The following PCBP3 variants were observed in gnomAD, a reference collection of about 807,000 sequenced individuals.
PCBP3 encodes the protein poly(rC) binding protein 3, also known as poly(rC)-binding protein 3.
In PCBP3, 25 loss-of-function variants were observed where a neutral mutation model predicts 52.7. The observed-to-expected ratio is 0.47, with a 90% confidence interval of 0.35 to 0.66. The LOEUF is 0.66. PCBP3 is among the 30% of genes least tolerant of loss of function. The probability of loss-of-function intolerance (pLI) is 0.01; values close to 1 mark genes in which losing one functional copy is unlikely to be tolerated. For synonymous variants in PCBP3, 162 were observed against 183.0 expected, an observed-to-expected ratio of 0.89 and a Z score of 0.93; for missense variants, 391 against 490.3, an observed-to-expected ratio of 0.80 and a Z score of 1.91.
rs569023046 is a variant in PCBP3, at chr21:45,805,806, C to T, written c.-125-44155C>T. Among the ~76,000 whole-genome samples the T allele has an allele frequency of 2.4e-4, 37 of 152,202 alleles. No homozygotes were observed. The highest frequency in any genetic ancestry group is 8.9e-4 in the African/African-American group (37 of 41,508). On this transcript the variant is annotated intron_variant, in intron 4 of 17. Transcript: ENST00000681687. The surrounding 1 kb of genome is among the most constrained non-coding windows in gnomAD (Gnocchi z 4.6). ...GGAGTGGTCCTGAGGAAAGCGCGCT[C>T]CTGTCTTTCTGTGGCAGCGAAGGTG... is the stretch of plus-strand genomic sequence containing the variant.
At chr21:45,804,679 G>A (rs542962645) in intron 4 of PCBP3, among the ~76,000 whole-genome samples, 13 of 152,174 alleles carry the variant, frequency 8.5e-5, no homozygotes, top group Admixed American at 2.6e-4. Flanking sequence ...CCAGGCATTC[G>A]GCTCCTGAAA....
intron 4 of PCBP3, among the ~76,000 whole-genome samples, chr21:45,781,421 A>G (rs1424187246): frequency 1.3e-5 from 2 of 152,350 alleles, no homozygotes; most frequent in South Asian, 2.1e-4. Context: ...ATAGATGCTC[A>G]GCGTCATTGT....
At chr21:45,832,129 G>C (rs937125509) in intron 4 of PCBP3, among the ~76,000 whole-genome samples, 2 of 152,200 alleles carry the variant, frequency 1.3e-5, no homozygotes, top group Non-Finnish European at 1.5e-5. Flanking sequence ...ACAAAGGGGG[G>C]ATTATTCATG....
intron 3 of PCBP3, chr21:45,744,096 T>A (rs1465152479): frequency 6.6e-6 from 1 of 150,842 alleles, no homozygotes; most frequent in Non-Finnish European, 1.5e-5. Context: ...TTTAGGTATA[T>A]AGGTAAAAAT....
chr21:45,894,205 G>A (rs77208136), intron 5 of PCBP3, among the ~76,000 whole-genome samples: 16,919 of 152,210 alleles, frequency 0.11, 980 homozygotes, highest in Non-Finnish European at 0.13. Context: ...ATGAAGAGAG[G>A]CACAGGCTGC....
intron 4 of PCBP3, among the ~76,000 whole-genome samples, chr21:45,771,275 T>G (rs986682698): frequency 1.3e-5 from 2 of 152,202 alleles, no homozygotes; most frequent in African/African-American, 4.8e-5. Context: ...TAATTAATAT[T>G]CCACACGGGG....
intron 4 of PCBP3, among the ~76,000 whole-genome samples, chr21:45,841,068 T>TA (rs2093690038): frequency 6.6e-6 from 1 of 152,250 alleles, no homozygotes; most frequent in South Asian, 2.1e-4. Context: ...AGCAATAGGC[T>TA]ATACCATCTA....
chr21:45,937,955 C>T (rs80207503), intron 16 of PCBP3, among the ~76,000 whole-genome samples: 2,447 of 152,346 alleles, frequency 0.016, 74 homozygotes, highest in African/African-American at 0.056. Context: ...CAGCTGTGTG[C>T]AGAGGAGGGG....
At chr21:45,749,351 C>G (rs1313682620) in intron 3 of PCBP3, 1 of 152,100 alleles carries the variant, frequency 6.6e-6, no homozygotes. Flanking sequence ...GAGCGCCCTT[C>G]AGTCACACTG....
intron 2 of PCBP3, among the ~76,000 whole-genome samples, chr21:45,701,527 T>C (rs2083126269): frequency 6.6e-6 from 1 of 152,264 alleles, no homozygotes; most frequent in Non-Finnish European, 1.5e-5. Flanking sequence ...ACCCATTATA[T>C]AATAAAAACA....
rs989917949 is a variant in PCBP3, at chr21:45,830,767, G to A, written c.-125-19194G>A. 1.3e-5 allele frequency: 2 copies of A among 152,216 alleles called. No homozygotes were observed. The highest frequency in any genetic ancestry group is 2.9e-5 in the Non-Finnish European group (2 of 68,034). 9.4% of individuals were successfully genotyped at this position (152,216 alleles called of 1,614,324 possible). A position where few individuals can be genotyped will look rare whatever the true frequency, so the allele number is the denominator to read the frequency against. On this transcript the variant is annotated intron_variant, in intron 4 of 17. Transcript: ENST00000681687. The surrounding 1 kb of genome is among the most constrained non-coding windows in gnomAD (Gnocchi z 4.4). Reference sequence around the variant, plus strand: ...TCATAGCTTTAATAAATTAATCAATGGTTTGGGAATTGGGTATACGAACAT... The same window carrying A: ...TCATAGCTTTAATAAATTAATCAATAGTTTGGGAATTGGGTATACGAACAT...
chr21:45,869,110 T>TGG (rs1234765241), intron 5 of PCBP3: 56 of 152,364 alleles, frequency 3.7e-4, no homozygotes, highest in African/African-American at 1.3e-3. Context: ...TATCTGTAAC[T>TGG]TTCTCCAATG....
intron 5 of PCBP3, among the ~76,000 whole-genome samples, chr21:45,882,625 CTG>C (rs1486823539): frequency 2.0e-5 from 3 of 152,032 alleles, no homozygotes; most frequent in African/African-American, 7.2e-5. Context: ...GAATTTTTCC[CTG>C]TGTTTTTTCT....
intron 4 of PCBP3, among the ~76,000 whole-genome samples, chr21:45,785,737 G>A (rs1194897640): frequency 1.3e-5 from 2 of 152,116 alleles, no homozygotes; most frequent in Admixed American, 1.3e-4. Flanking sequence ...TGGTTGCCGT[G>A]TCTGTGTAGA....
Position 45,778,335 on chromosome 21 carries a change from A to G in PCBP3, c.-126+22883A>G, listed in dbSNP as rs1175417539. On this transcript the variant is annotated intron_variant, in intron 4 of 17. Coordinates refer to ENST00000681687, the MANE Select transcript of PCBP3 (RefSeq NM_001384156.1). The stretch of plus-strand genomic sequence containing the variant: ...CATTGGATTGAGCGTGCCCATCTTT[A>G]TGTCCCAGGGTGGCATATCCTGGCA... 2.0e-5 allele frequency among the ~76,000 whole-genome samples: 3 copies of G among 152,104 alleles called. No individual in the cohort carries two copies. The South Asian group carries it at 6.2e-4, about 32-fold the overall frequency.
chr21:45,766,080 G>A (rs545666455), intron 4 of PCBP3, among the ~76,000 whole-genome samples: 2 of 152,340 alleles, frequency 1.3e-5, no homozygotes, highest in African/African-American at 4.8e-5. Context: ...TGGGACTGAC[G>A]TGGGTCCGTA....
intron 3 of PCBP3, chr21:45,751,731 A>C (rs1270808323): frequency 1.3e-5 from 2 of 152,236 alleles, no homozygotes; most frequent in Non-Finnish European, 2.9e-5. Context: ...TCAGTTAGAC[A>C]GTTGCAAATC....
intron 9 of PCBP3, chr21:45,901,393 C>T (rs569322421): frequency 8.6e-5 from 33 of 384,360 alleles, no homozygotes; most frequent in South Asian, 6.3e-4. Context: ...CCTGGGGCAC[C>T]GAGCACGGCC....
chr21:45,813,614 G>T (rs1372690144), intron 4 of PCBP3, among the ~76,000 whole-genome samples: 3 of 152,100 alleles, frequency 2.0e-5, no homozygotes, highest in African/African-American at 4.8e-5. Context: ...GCTATTTTTT[G>T]TATTTTTTAA....
Sources: gnomAD v4.1 joint callset for allele counts (sites outside exome capture counted in the v4.1 genomes callset) on GRCh38, gnomAD v4.1.1 for gene constraint, Gnocchi (gnomAD v3.1) non-coding constraint, MANE v1.5 for transcripts, NCBI Gene and HGNC (gene_info 2026-07-23, HGNC 2026-07-21) for gene names.